The following PPP1R21 variants were observed in gnomAD, a reference collection of about 807,000 sequenced individuals.
PPP1R21 encodes the protein protein phosphatase 1 regulatory subunit 21.
Under a neutral mutation model 112.8 loss-of-function variants are expected in PPP1R21, and 85 were observed. The observed-to-expected ratio is 0.75, with a 90% CI of 0.63 to 0.90. PPP1R21 has a LOEUF of 0.90. PPP1R21 is among the 40% of genes least tolerant of loss of function. The pLI is 0.00. For synonymous variants in PPP1R21, 381 were observed against 322.3 expected, an observed-to-expected ratio of 1.18 and a Z score of -1.95; for missense variants, 1,199 against 901.5, an observed-to-expected ratio of 1.33 and a Z score of -4.23.
At chr2:48,469,272 T>C (rs190768932) in intron 9 of PPP1R21, among the ~76,000 whole-genome samples, 667 of 36,484 alleles carry the variant, frequency 0.018, 27 homozygotes, top group African/African-American at 0.057. Flanking sequence ...TGTGTGTGTG[T>C]GTGTGTGTGT....
rs899974865 is a variant in PPP1R21, at chr2:48,465,475, A to G, written c.748-18A>G. 8.1e-6 allele frequency: 13 copies of G among 1,600,670 alleles called. No homozygotes were observed. The Middle Eastern group carries it at 5.0e-4, about 62-fold the overall frequency. ...TAATTTGAGAGTTGACCTTAACTAT[A>G]TATTTTTCATTTTAAAGCTGAAGAT... is the stretch of plus-strand genomic sequence containing the variant. On this transcript the variant is annotated intron_variant, in intron 8 of 21. Coordinates refer to ENST00000294952, the MANE Select transcript of PPP1R21 (RefSeq NM_001135629.3).
intron 12 of PPP1R21, among the ~76,000 whole-genome samples, chr2:48,476,844 T>G (rs1668780061): frequency 6.6e-6 from 1 of 151,908 alleles, no homozygotes; most frequent in Non-Finnish European, 1.5e-5. Flanking sequence ...TACATACAAG[T>G]CACTTATTGG....
At chr2:48,496,454 G>T (rs1398981329) in intron 16 of PPP1R21, among the ~76,000 whole-genome samples, 1 of 136,340 alleles carries the variant, frequency 7.3e-6, no homozygotes, top group African/African-American at 2.7e-5. Flanking sequence ...ACAAGACAGG[G>T]CTTATTGGGT....
rs570463315 is a variant in PPP1R21 at position 48,447,810 on chromosome 2, C to T, written c.58-3198C>T. ...CTAAAAATACAAAAAATTAGCCGGGCGTGGTGGCACGTGCCTATAATCCCA... is the reference window on the plus strand; with the variant it reads ...CTAAAAATACAAAAAATTAGCCGGGTGTGGTGGCACGTGCCTATAATCCCA... On this transcript the variant is annotated intron_variant, in intron 1 of 21. Transcript: ENST00000294952. Among the ~76,000 whole-genome samples, 10 of 151,952 alleles carry T rather than the reference C, an allele frequency of 6.6e-5. No individual in the cohort carries two copies. In the South Asian group the frequency reaches 1.0e-3, roughly 16 times the overall value.
At chr2:48,496,562 G>T (rs1389785231) in intron 16 of PPP1R21, among the ~76,000 whole-genome samples, 3 of 151,958 alleles carry the variant, frequency 2.0e-5, no homozygotes, top group Non-Finnish European at 4.4e-5. Context: ...CTGCCTCCTG[G>T]GTTCAAGCGA....
Position 48,465,575 on chromosome 2 carries a change from C to G in PPP1R21, c.830C>G (p.Thr277Arg). Residue 277 changes from threonine to arginine, a missense_variant, in exon 9 of 22, where the codon ACA (threonine) becomes AGA (arginine). By Grantham distance (71) the Thr-to-Arg change is moderately conservative. Coordinates refer to ENST00000294952, the MANE Select transcript of PPP1R21 (RefSeq NM_001135629.3). ...GCTCTTCTAAACTTTCATACCTACA[C>G]AGAACAGAGGATTCAAATTTTTCCT... ...VTALLNFHTY[T>R]EQRIQIFPVD... 6.2e-7 allele frequency: 1 copy of G among 1,613,944 alleles called. No individual in the cohort carries two copies. The highest frequency in any genetic ancestry group is 1.7e-5 in the Admixed American group (1 of 60,016).
At position 48,498,721 on chromosome 2, in the gene PPP1R21, C is replaced by G; in HGVS notation, c.1921C>G (p.Gln641Glu). 3 of 1,614,134 alleles carry G rather than the reference C, an allele frequency of 1.9e-6. No individual in the cohort carries two copies. The highest frequency in any genetic ancestry group is 2.5e-6 in the Non-Finnish European group (3 of 1,180,012). Reference sequence around the variant, plus strand: ...AGCTAAGGCTGTGTTGGAGCCCATTCAGAGCACCAGTCTAGTAAGTGTCTT... The same window carrying G: ...AGCTAAGGCTGTGTTGGAGCCCATTGAGAGCACCAGTCTAGTAAGTGTCTT... Reference protein sequence around the residue: ...ATAKAVLEPIQSTSLIGTLTR... With the variant: ...ATAKAVLEPIESTSLIGTLTR... The change falls in exon 17 of 22, where the codon CAG becomes GAG. Residue 641 changes from glutamine to glutamate, a missense_variant. Physicochemically the swap from Gln to Glu is conservative, Grantham distance 29 (BLOSUM62 2). Transcript: ENST00000294952.
At chr2:48,471,966 G>T (rs966177518) in intron 11 of PPP1R21, among the ~76,000 whole-genome samples, 3 of 152,036 alleles carry the variant, frequency 2.0e-5, no homozygotes, top group Non-Finnish European at 2.9e-5. Flanking sequence ...AAGGCCGGGC[G>T]CAGTGGCTCA....
rs139857140 is a variant in PPP1R21 at position 48,510,050 on chromosome 2, A to G, written c.2121A>G (p.Glu707=). The G allele has an allele frequency of 5.4e-5, 87 of 1,613,966 alleles. No homozygotes were observed. The African/African-American group carries it at 1.1e-3, about 21-fold the overall frequency. ...TGTCTAAAAGACTGGCCTTGGCTGA[A>G]AAGTCTAAGGAAGCATTGACAGAAG... is the stretch of plus-strand genomic sequence containing the variant. ...RALSKRLALA[E]KSKEALTEEM... The change falls in exon 20 of 22, where the codon GAA becomes GAG. Residue 707 remains glutamate, a synonymous_variant. Transcript: ENST00000294952.
chr2:48,485,278 C>T (rs990679966), intron 13 of PPP1R21, among the ~76,000 whole-genome samples: 2 of 151,360 alleles, frequency 1.3e-5, no homozygotes, highest in Non-Finnish European at 2.9e-5. Context: ...CAAACCTGCA[C>T]ATAAACTCCC....
intron 1 of PPP1R21, among the ~76,000 whole-genome samples, chr2:48,446,649 T>A (rs573296503): frequency 3.3e-5 from 5 of 152,326 alleles, no homozygotes; most frequent in Admixed American, 2.6e-4. Flanking sequence ...TCCTTCTCTA[T>A]CCATAGCATT....
intron 6 of PPP1R21, 135 bp downstream of exon 6, chr2:48,460,288 T>C: frequency 2.4e-6 from 2 of 837,022 alleles, no homozygotes; most frequent in Non-Finnish European, 3.7e-6. Flanking sequence ...AGGGTCCTTT[T>C]CAATTCTGGG....
chr2:48,498,703 G>C lies in PPP1R21; in HGVS notation c.1903G>C (p.Ala635Pro). 3 of 1,614,214 alleles carry C rather than the reference G, an allele frequency of 1.9e-6. No individual in the cohort carries two copies. Among genetic ancestry groups the C allele is most frequent in the Non-Finnish European group, 2.5e-6 (3 of 1,180,034 alleles). ...TAGQDEATAK[A>P]VLEPIQSTSL... ...TGGCCAGGATGAAGCCACAGCTAAG[G>C]CTGTGTTGGAGCCCATTCAGAGCAC... The change falls in exon 17 of 22, where the codon GCT becomes CCT. Residue 635 changes from alanine (A) to proline (P), a missense_variant. Physicochemically the swap from Ala to Pro is conservative, Grantham distance 27. Transcript: ENST00000294952.
intron 8 of PPP1R21, 47 bp downstream of exon 8, chr2:48,465,036 G>C (rs758944211): frequency 7.0e-7 from 1 of 1,433,786 alleles, no homozygotes; most frequent in Admixed American, 2.5e-5. Flanking sequence ...ATATACATCA[G>C]ACTTTCCAGA....
Position 48,495,779 on chromosome 2 carries a change from A to T in PPP1R21, c.1692+8A>T. On this transcript the variant is annotated splice_region_variant and intron_variant, in intron 16 of 21. Coordinates refer to ENST00000294952, the MANE Select transcript of PPP1R21 (RefSeq NM_001135629.3). ...GAAGGCCTTGCACAGCAAGTATGGC[A>T]CTGGGAAAATTATGGAAATTGTTAA... The T allele has an allele frequency of 6.6e-7, 1 of 1,513,842 alleles. No homozygotes were observed. The allele number at this position is 1,513,842 out of a possible 1,614,324, so 93.8% of individuals were successfully genotyped here. A position where few individuals can be genotyped will look rare whatever the true frequency, so the allele number is the denominator to read the frequency against.
chr2:48,474,593 G>A lies in PPP1R21; in HGVS notation c.1089-90G>A, dbSNP rs530212929. The A allele has an allele frequency of 3.7e-4, 431 of 1,163,886 alleles. 4 individuals are homozygous for A. In the South Asian group the frequency reaches 6.1e-3, roughly 16 times the overall value. 72.1% of individuals were successfully genotyped at this position (1,163,886 alleles called of 1,614,324 possible). ...CTTTTTTCTGCAATATCTCTCTTTG[G>A]ATATAGTTGTTTGAGAACTTGGTTG... On this transcript the variant is annotated intron_variant, in intron 11 of 21. Coordinates refer to ENST00000294952, the MANE Select transcript of PPP1R21 (RefSeq NM_001135629.3).
At chr2:48,509,410 A>T (rs1361671728) in intron 19 of PPP1R21, among the ~76,000 whole-genome samples, 1 of 151,852 alleles carries the variant, frequency 6.6e-6, no homozygotes, top group Non-Finnish European at 1.5e-5. Flanking sequence ...AAATCTAGAA[A>T]GTTCTTATGT....
rs186703253 is a variant in PPP1R21 at position 48,474,629 on chromosome 2, G to A, written c.1089-54G>A. 5.4e-5 allele frequency: 82 copies of A among 1,525,866 alleles called. 1 individual carries two copies. Among genetic ancestry groups the A allele is most frequent in the Non-Finnish European group, 2.7e-6 (3 of 1,125,912 alleles). The allele number at this position is 1,525,866 out of a possible 1,614,324, so 94.5% of individuals were successfully genotyped here. On this transcript the variant is annotated intron_variant, in intron 11 of 21. Coordinates refer to ENST00000294952, the MANE Select transcript of PPP1R21 (RefSeq NM_001135629.3). ...TTGAGAACTTGGTTGGCTGCTAGTA[G>A]CTAATTGAAAATCGTTTGGGATGCT...
At chr2:48,496,934 T>A (rs1258437143) in intron 16 of PPP1R21, among the ~76,000 whole-genome samples, 1 of 152,260 alleles carries the variant, frequency 6.6e-6, no homozygotes, top group African/African-American at 2.4e-5. Context: ...ATGGAAAGTC[T>A]GCACCCCTTC....
Sources: allele counts gnomAD v4.1 joint callset (sites outside exome capture counted in the v4.1 genomes callset), GRCh38; gene constraint gnomAD v4.1.1; transcripts MANE v1.5; gene names NCBI Gene and HGNC (gene_info 2026-07-23, HGNC 2026-07-21).